Variants in ZNF670 observed in about 807,000 individuals in gnomAD.
ZNF670 encodes the protein zinc finger protein 670.
In ZNF670, 7 loss-of-function variants were observed where a neutral mutation model predicts 10.9. That is an observed-to-expected ratio of 0.64 (90% confidence interval 0.36 to 1.20). The LOEUF is 1.20. Ranked by LOEUF, ZNF670 falls within the 50% of genes most tolerant of loss-of-function variation. The pLI is 0.02. For synonymous variants in ZNF670, 136 were observed against 152.7 expected (o/e 0.89, Z 0.81); for missense variants, 446 against 458.6 (o/e 0.97, Z 0.25).
intron 1 of ZNF670, among the ~76,000 whole-genome samples, chr1:247,071,691 C>A (rs1057009639): frequency 2.0e-5 from 3 of 151,980 alleles, no homozygotes; most frequent in African/African-American, 7.3e-5. Flanking sequence ...AAATTACATG[C>A]CTTAAAGTAA....
At chr1:247,039,379 TCAA>T (rs757167626) in intron 2 of ZNF670, 29 bp downstream of exon 2, 10 of 1,596,196 alleles carry the variant, frequency 6.3e-6, no homozygotes, top group African/African-American at 1.4e-5. Flanking sequence ...TGCGTTGTAA[TCAA>T]CTACGTGAAT....
At chr1:247,062,861 T>A (rs1180679124) in intron 1 of ZNF670, among the ~76,000 whole-genome samples, 2 of 151,950 alleles carry the variant, frequency 1.3e-5, no homozygotes, top group Non-Finnish European at 2.9e-5. Context: ...CGGAAGAAGA[T>A]GACCCAGGTC....
At chr1:247,072,738 G>GACTGTGCC (rs1419624914) in intron 1 of ZNF670, among the ~76,000 whole-genome samples, 3 of 146,534 alleles carry the variant, frequency 2.0e-5, no homozygotes, top group Non-Finnish European at 4.5e-5. Flanking sequence ...GGTGAGCCGA[G>GACTGTGCC]ACTGTGCCAT....
Position 247,060,036 on chromosome 1 carries a change from G to C in ZNF670, c.3+18558C>G, listed in dbSNP as rs1670822443. ...TCCATGAATAGGCAGCCTCAATATT[G>C]CTAAGATGTCAGTTCTCCCCAATTT... On this transcript the variant is annotated intron_variant, in intron 1 of 3. Coordinates refer to ENST00000366503, the MANE Select transcript of ZNF670 (RefSeq NM_033213.5). Among the ~76,000 whole-genome samples, 3 of 152,130 alleles carry C rather than the reference G, an allele frequency of 2.0e-5. No individual in the cohort carries two copies. The South Asian group carries it at 6.2e-4, about 32-fold the overall frequency.
chr1:247,041,688 T>C (rs1214475025), intron 1 of ZNF670, among the ~76,000 whole-genome samples: 4 of 152,186 alleles, frequency 2.6e-5, no homozygotes, highest in Admixed American at 1.3e-4. Context: ...CATAAAATCA[T>C]AGGAGCATTA....
intron 1 of ZNF670, among the ~76,000 whole-genome samples, chr1:247,073,027 C>T (rs1671174554): frequency 6.6e-6 from 1 of 151,784 alleles, no homozygotes; most frequent in African/African-American, 2.4e-5. Flanking sequence ...ACTGCAGTCA[C>T]ATCTCTGAGC....
intron 1 of ZNF670, among the ~76,000 whole-genome samples, chr1:247,051,387 T>C (rs1670592207): frequency 6.6e-6 from 1 of 152,242 alleles, no homozygotes; most frequent in Non-Finnish European, 1.5e-5. Flanking sequence ...TTAGTTTCAC[T>C]GGATACAAAA....
chr1:247,050,846 G>C (rs1251485286), intron 1 of ZNF670, among the ~76,000 whole-genome samples: 1 of 152,098 alleles, frequency 6.6e-6, no homozygotes, highest in African/African-American at 2.4e-5. Flanking sequence ...TTCAACGTTA[G>C]CATTGAGATG....
intron 1 of ZNF670, among the ~76,000 whole-genome samples, chr1:247,050,908 T>G (rs1027521426): frequency 2.0e-5 from 3 of 152,120 alleles, no homozygotes; most frequent in East Asian, 1.9e-4. Flanking sequence ...AATACCTTGG[T>G]TTTTTTTCTT....
In ZNF670 at chr1:247,038,048, A is replaced by T. The variant is rs750631672; in HGVS notation, c.571T>A (p.Tyr191Asn). Residue 191 changes from tyrosine (Y) to asparagine (N), a missense_variant, in exon 4 of 4, where the codon TAC becomes AAC. By Grantham distance (143) the Tyr-to-Asn change is moderately radical. Coordinates refer to ENST00000366503, the MANE Select transcript of ZNF670 (RefSeq NM_033213.5). ...PSVFQMPQST[Y>N]TGEKTYKCKH... ...CATTTATATGTTTTCTCTCCAGTGT[A>T]AGTGCTCTGAGGCATTTGAAATACA... 6.2e-7 allele frequency: 1 copy of T among 1,614,160 alleles called. No individual in the cohort carries two copies. Among genetic ancestry groups the T allele is most frequent in the South Asian group, 1.1e-5 (1 of 91,076 alleles).
At chr1:247,052,671 T>G (rs1279295129) in intron 1 of ZNF670, among the ~76,000 whole-genome samples, 2 of 152,336 alleles carry the variant, frequency 1.3e-5, no homozygotes, top group East Asian at 3.9e-4. Flanking sequence ...TTTACTGCTT[T>G]CTTGGAGCAG....
chr1:247,051,549 C>G (rs1670595859), intron 1 of ZNF670, among the ~76,000 whole-genome samples: 1 of 152,132 alleles, frequency 6.6e-6, no homozygotes, highest in South Asian at 2.1e-4. Flanking sequence ...TCTTCAGATT[C>G]TTTCCTTCTT....
intron 1 of ZNF670, among the ~76,000 whole-genome samples, chr1:247,058,258 T>C (rs1243999504): frequency 1.3e-5 from 2 of 152,198 alleles, no homozygotes; most frequent in South Asian, 2.1e-4. Flanking sequence ...AATTGAAGAT[T>C]AAACTGCAAA....
At chr1:247,045,409 T>C (rs1670415787) in intron 1 of ZNF670, among the ~76,000 whole-genome samples, 1 of 152,104 alleles carries the variant, frequency 6.6e-6, no homozygotes, top group South Asian at 2.1e-4. Context: ...GTCCTTGAAG[T>C]AATGAGTTCT....
chr1:247,069,620 T>C (rs1423251027), intron 1 of ZNF670, among the ~76,000 whole-genome samples: 1 of 145,608 alleles, frequency 6.9e-6, no homozygotes, highest in East Asian at 1.9e-4. Context: ...GATGAATGCA[T>C]AAAGAAAATG....
Position 247,078,705 on chromosome 1 carries a change from G to C in ZNF670, c.-109C>G. The stretch of plus-strand genomic sequence containing the variant: ...CACTTGGACCTCCCAGGGATAAGGG[G>C]AAGGAGCAGCGGAGACGCACCGAGC... On this transcript the variant is annotated 5_prime_UTR_variant, in exon 1 of 4. Transcript: ENST00000366503. The C allele has an allele frequency of 7.8e-7, 1 of 1,278,054 alleles. No homozygotes were observed. The highest frequency in any genetic ancestry group is 1.1e-6 in the Non-Finnish European group (1 of 898,584). 79.2% of individuals were successfully genotyped at this position (1,278,054 alleles called of 1,614,324 possible).
intron 1 of ZNF670, among the ~76,000 whole-genome samples, chr1:247,050,153 T>A (rs183249692): frequency 4.6e-5 from 7 of 152,390 alleles, no homozygotes; most frequent in Non-Finnish European, 1.0e-4. Context: ...TGTTGCCATC[T>A]ATCTCATTTT....
chr1:247,046,066 G>T (rs952885961), intron 1 of ZNF670, among the ~76,000 whole-genome samples: 2 of 152,112 alleles, frequency 1.3e-5, no homozygotes, highest in African/African-American at 4.8e-5. Context: ...TTCAAGAGGT[G>T]GTATGGTCGC....
chr1:247,055,852 A>G (rs529376206), intron 1 of ZNF670, among the ~76,000 whole-genome samples: 1 of 152,370 alleles, frequency 6.6e-6, no homozygotes, highest in Non-Finnish European at 1.5e-5. Context: ...AACCAAAAAA[A>G]GAATAGCTAT....
Sources: allele counts gnomAD v4.1 joint callset (sites outside exome capture counted in the v4.1 genomes callset), GRCh38; gene constraint gnomAD v4.1.1; transcripts MANE v1.5; gene names NCBI Gene and HGNC (gene_info 2026-07-23, HGNC 2026-07-21).